The following CYSTM1 variants were observed in gnomAD, a reference collection of about 807,000 sequenced individuals.
CYSTM1 encodes the protein cysteine rich transmembrane module containing 1.
Under a neutral mutation model 13.1 loss-of-function variants are expected in CYSTM1, and 4 were observed. The ratio of observed to expected loss-of-function variants is 0.31; its 90% confidence interval spans 0.15 to 0.70. The LOEUF (loss-of-function observed/expected upper bound fraction) is 0.70, where lower values mean the gene tolerates loss of function less well. Ranked by LOEUF, CYSTM1 falls within the 30% of genes least tolerant of loss-of-function variation. CYSTM1 has a pLI of 0.72. For missense variants in CYSTM1, 96 were observed against 121.6 expected (o/e 0.79, Z 0.99); for synonymous variants, 36 against 42.7 (o/e 0.84, Z 0.62).
intron 2 of CYSTM1, among the ~76,000 whole-genome samples, chr5:140,240,865 TC>T (rs1764739306): frequency 6.6e-6 from 1 of 152,038 alleles, no homozygotes; most frequent in Admixed American, 6.6e-5. Flanking sequence ...CCCACGCTAC[TC>T]CCCATTGCCC....
chr5:140,243,678 T>C lies in CYSTM1; in HGVS notation c.*267T>C, dbSNP rs887029000. 3.3e-6 allele frequency: 1 copy of C among 307,646 alleles called. No homozygotes were observed. Among genetic ancestry groups the C allele is most frequent in the Admixed American group, 5.0e-5 (1 of 20,082 alleles). The allele number at this position is 307,646 out of a possible 1,614,324, so 19.1% of individuals were successfully genotyped here. On this transcript the variant is annotated 3_prime_UTR_variant, in exon 3 of 3. Coordinates refer to ENST00000261811, the MANE Select transcript of CYSTM1 (RefSeq NM_032412.4). ...GCCAAAGGCTTAGTTGTGAAAAATA[T>C]AATTTTTAAATTATACATTCAAGGT...
intron 1 of CYSTM1, among the ~76,000 whole-genome samples, chr5:140,188,070 C>CTTTT (rs71276334): frequency 1.0e-4 from 14 of 133,524 alleles, no homozygotes; most frequent in African/African-American, 3.6e-4. Flanking sequence ...TTAATTTTAA[C>CTTTT]TTTTTTTTTT....
intron 2 of CYSTM1, among the ~76,000 whole-genome samples, chr5:140,196,173 A>G (rs1764155116): frequency 6.6e-6 from 1 of 152,212 alleles, no homozygotes; most frequent in East Asian, 1.9e-4. Flanking sequence ...ACAAAGTTAG[A>G]GTAATGACTT....
At chr5:140,217,548 C>T (rs921286384) in intron 2 of CYSTM1, among the ~76,000 whole-genome samples, 1 of 152,114 alleles carries the variant, frequency 6.6e-6, no homozygotes, top group Non-Finnish European at 1.5e-5. Context: ...GCAGATTATT[C>T]CCTTTGGAAT....
chr5:140,238,570 C>A (rs1485318629), intron 2 of CYSTM1, among the ~76,000 whole-genome samples: 1 of 152,150 alleles, frequency 6.6e-6, no homozygotes, highest in Non-Finnish European at 1.5e-5. Context: ...TCAGTGTAGC[C>A]CCTTTGCGCT....
At chr5:140,199,836 C>G (rs13153174) in intron 2 of CYSTM1, among the ~76,000 whole-genome samples, 26,164 of 152,204 alleles carry the variant, frequency 0.17, 2,834 homozygotes, top group South Asian at 0.24. Flanking sequence ...GAGATGGTAT[C>G]TCATTGTGGT....
intron 1 of CYSTM1, among the ~76,000 whole-genome samples, chr5:140,177,331 G>A (rs1321948574): frequency 6.6e-6 from 1 of 151,708 alleles, no homozygotes; most frequent in African/African-American, 2.4e-5. Context: ...TTGCTCTGTC[G>A]CCCAGGCTGG....
At chr5:140,222,515 T>C (rs1190111687) in intron 2 of CYSTM1, among the ~76,000 whole-genome samples, 1 of 152,248 alleles carries the variant, frequency 6.6e-6, no homozygotes, top group Admixed American at 6.5e-5. Context: ...AATTTCTTCC[T>C]AGCAATTCTC....
At chr5:140,194,755 T>C in intron 2 of CYSTM1, 103 bp downstream of exon 2, 1 of 1,378,402 alleles carries the variant, frequency 7.3e-7, no homozygotes, top group Non-Finnish European at 9.8e-7. Context: ...CTTTGCAACT[T>C]GTGCTTGATG....
chr5:140,197,930 C>G (rs1396010378), intron 2 of CYSTM1, among the ~76,000 whole-genome samples: 1 of 152,094 alleles, frequency 6.6e-6, no homozygotes, highest in Non-Finnish European at 1.5e-5. Flanking sequence ...CAGAACCTTC[C>G]TTGGTCATCT....
chr5:140,217,690 G>T (rs1291509905), intron 2 of CYSTM1, among the ~76,000 whole-genome samples: 1 of 152,190 alleles, frequency 6.6e-6, no homozygotes, highest in African/African-American at 2.4e-5. Flanking sequence ...CTTGAGAGCA[G>T]TTGGGTCTCA....
intron 2 of CYSTM1, among the ~76,000 whole-genome samples, chr5:140,199,213 G>A (rs536490709): frequency 2.5e-4 from 38 of 152,216 alleles, no homozygotes; most frequent in Admixed American, 9.2e-4. Context: ...TCATTGATGG[G>A]CATTTGGGTT....
At chr5:140,210,224 C>T (rs1340159736) in intron 2 of CYSTM1, among the ~76,000 whole-genome samples, 1 of 151,984 alleles carries the variant, frequency 6.6e-6, no homozygotes, top group Non-Finnish European at 1.5e-5. Flanking sequence ...TATTTTGGTC[C>T]CCCACCCCAC....
Position 140,230,296 on chromosome 5 carries a change from G to C in CYSTM1, c.188-13009G>C, listed in dbSNP as rs894709434. 1.3e-5 allele frequency among the ~76,000 whole-genome samples: 2 copies of C among 152,212 alleles called. No individual in the cohort carries two copies. The highest frequency in any genetic ancestry group is 4.8e-5 in the African/African-American group (2 of 41,452). ...ACCAAGCAAAAGGGGCTCACTGCCTGATGTGCTAGAAGCCAATTCCATGAC... is the reference window on the plus strand; with the variant it reads ...ACCAAGCAAAAGGGGCTCACTGCCTCATGTGCTAGAAGCCAATTCCATGAC... On this transcript the variant is annotated intron_variant, in intron 2 of 2. Coordinates refer to ENST00000261811, the MANE Select transcript of CYSTM1 (RefSeq NM_032412.4). This position sits in a 1 kb window ranked among gnomAD's most constrained non-coding sequence, Gnocchi z 4.1.
At chr5:140,197,489 A>G (rs1032602861) in intron 2 of CYSTM1, among the ~76,000 whole-genome samples, 1 of 152,174 alleles carries the variant, frequency 6.6e-6, no homozygotes, top group Non-Finnish European at 1.5e-5. Context: ...GCACCCAAAC[A>G]TAGCAGGTAG....
At chr5:140,237,949 C>T (rs548823716) in intron 2 of CYSTM1, among the ~76,000 whole-genome samples, 2 of 152,272 alleles carry the variant, frequency 1.3e-5, no homozygotes, top group East Asian at 1.9e-4. Context: ...ATCCACAGCT[C>T]GGCAAGCCCT....
At chr5:140,179,876 T>C (rs1414687523) in intron 1 of CYSTM1, among the ~76,000 whole-genome samples, 1 of 152,096 alleles carries the variant, frequency 6.6e-6, no homozygotes, top group African/African-American at 2.4e-5. Flanking sequence ...TTGGCCAGGC[T>C]GGTCTCGAAC....
At chr5:140,188,778 CAAAAAA>C (rs34915397) in intron 1 of CYSTM1, among the ~76,000 whole-genome samples, 6 of 113,480 alleles carry the variant, frequency 5.3e-5, no homozygotes, top group African/African-American at 2.0e-4. Context: ...GACTCCGTCT[CAAAAAA>C]AAAAAAAAAA....
At chr5:140,204,933 AG>A (rs375089756) in intron 2 of CYSTM1, among the ~76,000 whole-genome samples, 10 of 152,250 alleles carry the variant, frequency 6.6e-5, no homozygotes, top group African/African-American at 2.4e-4. Context: ...AACTCCCATA[AG>A]TCCAGATATT....
Sources: allele counts gnomAD v4.1 joint callset (sites outside exome capture counted in the v4.1 genomes callset), GRCh38; gene constraint gnomAD v4.1.1; non-coding constraint Gnocchi (gnomAD v3.1); transcripts MANE v1.5; gene names NCBI Gene and HGNC (gene_info 2026-07-23, HGNC 2026-07-21).